Variants in SLC25A19 observed in about 807,000 individuals in gnomAD.
SLC25A19 encodes the protein mitochondrial thiamine pyrophosphate carrier.
In SLC25A19, 18 loss-of-function variants were observed where a neutral mutation model predicts 27.9. That is an observed-to-expected ratio of 0.64 (90% confidence interval 0.45 to 0.96). The LOEUF (loss-of-function observed/expected upper bound fraction) is 0.96. SLC25A19 is among the 40% of genes least tolerant of loss of function. SLC25A19 has a pLI of 0.00. For synonymous variants in SLC25A19, 169 were observed against 167.1 expected (o/e 1.01, Z -0.09); for missense variants, 371 against 418.3 (o/e 0.89, Z 0.99).
rs185398231 is a variant in SLC25A19 at position 75,275,454 on chromosome 17, A to G, written c.775-1815T>C. Among the ~76,000 whole-genome samples, 20 of 151,862 alleles carry G rather than the reference A, an allele frequency of 1.3e-4. No homozygotes were observed. The East Asian group carries it at 3.7e-3, about 28-fold the overall frequency. On this transcript the variant is annotated intron_variant, in intron 7 of 7. Coordinates refer to ENST00000416858, the MANE Select transcript of SLC25A19 (RefSeq NM_001126121.2). ...CCTCTCCTCTGACATTGTCAGGCAT[A>G]TTTTTTCACACCTCCGCATCTCAGG...
At chr17:75,288,255 A>G (rs1307872778) in intron 2 of SLC25A19, 1 of 152,158 alleles carries the variant, frequency 6.6e-6, no homozygotes, top group Admixed American at 6.6e-5. Context: ...CCCTTCCCTC[A>G]TTTAACCAGA....
chr17:75,284,951 C>A (rs1035640978), intron 4 of SLC25A19, among the ~76,000 whole-genome samples: 3 of 150,866 alleles, frequency 2.0e-5, no homozygotes, highest in African/African-American at 7.3e-5. Context: ...CCCTGTTTTG[C>A]TTTTTGAGGC....
chr17:75,275,799 AC>A (rs766095052), intron 7 of SLC25A19, among the ~76,000 whole-genome samples: 35 of 151,774 alleles, frequency 2.3e-4, no homozygotes, highest in Non-Finnish European at 4.0e-4. Context: ...ATATGGTGAA[AC>A]CCCGTCTCTT....
chr17:75,289,322 C>A, intron 1 of SLC25A19, 32 bp downstream of exon 1: 1 of 152,462 alleles, frequency 6.6e-6, no homozygotes. Context: ...CCCGAGAGGG[C>A]GGCGAGAAGG....
At chr17:75,280,949 C>CA (rs557623020) in intron 5 of SLC25A19, among the ~76,000 whole-genome samples, 2,697 of 87,786 alleles carry the variant, frequency 0.031, 64 homozygotes, top group African/African-American at 0.094. Context: ...AAACAACAAC[C>CA]AAAAAAAAAA....
At chr17:75,282,418 C>A (rs559219522) in intron 5 of SLC25A19, among the ~76,000 whole-genome samples, 1 of 152,064 alleles carries the variant, frequency 6.6e-6, no homozygotes, top group African/African-American at 2.4e-5. Flanking sequence ...GGCATGATGG[C>A]AGGCGCCTGT....
rs776356552 is a variant in SLC25A19 at position 75,284,633 on chromosome 17, C to CATTTTTTTTTT, written c.289-1041_289-1040insAAAAAAAAAAT. On this transcript the variant is annotated intron_variant, in intron 4 of 7. Coordinates refer to ENST00000416858, the MANE Select transcript of SLC25A19 (RefSeq NM_001126121.2). ...GTGACCCCCTTACATTCAGATCTTT[C>CATTTTTTTTTT]TTTTTTTTTTTTTTTTTTTTTTTTT... Among the ~76,000 whole-genome samples the CATTTTTTTTTT allele has an allele frequency of 2.7e-5, 3 of 112,292 alleles. 1 individual carries two copies. The highest frequency in any genetic ancestry group is 2.0e-4 in the Admixed American group (2 of 10,012). The allele number at this position is 112,292 out of a possible 152,430, so 73.7% of individuals were successfully genotyped here.
chr17:75,282,264 A>G (rs1329797774), intron 5 of SLC25A19, among the ~76,000 whole-genome samples: 2 of 151,668 alleles, frequency 1.3e-5, no homozygotes, highest in Admixed American at 6.6e-5. Flanking sequence ...AAAAATATAT[A>G]TATAGGCCAG....
chr17:75,273,886 G>A (rs555769942), intron 7 of SLC25A19: 3 of 428,862 alleles, frequency 7.0e-6, no homozygotes, highest in East Asian at 1.0e-4. Flanking sequence ...TCAGCCTCCT[G>A]AGTAGCTGGG....
At chr17:75,282,310 G>C (rs909335795) in intron 5 of SLC25A19, among the ~76,000 whole-genome samples, 1 of 152,142 alleles carries the variant, frequency 6.6e-6, no homozygotes, top group African/African-American at 2.4e-5. Context: ...TAGCACTTTG[G>C]GAGGCCGAGG....
intron 5 of SLC25A19, among the ~76,000 whole-genome samples, chr17:75,279,771 T>C (rs1270988271): frequency 2.0e-5 from 3 of 152,166 alleles, no homozygotes; most frequent in Non-Finnish European, 4.4e-5. Context: ...CCTCCCAAAG[T>C]GCTGGGATTA....
chr17:75,278,415 C>T (rs748104212), intron 5 of SLC25A19, 80 bp from the exon 6 acceptor site: 21 of 1,515,798 alleles, frequency 1.4e-5, no homozygotes, highest in Non-Finnish European at 1.3e-5. Context: ...TCTGTCCCCT[C>T]GCCTAAAATA....
At chr17:75,286,007 AT>A (rs2078172162) in intron 4 of SLC25A19, among the ~76,000 whole-genome samples, 2 of 152,204 alleles carry the variant, frequency 1.3e-5, no homozygotes, top group African/African-American at 4.8e-5. Context: ...TGAAGGTGGT[AT>A]TTCAAAAACT....
In SLC25A19 at chr17:75,286,444, G is replaced by A; in HGVS notation, c.148C>T (p.Leu50=). The change falls in exon 4 of 8, where the codon CTG becomes TTG. Residue 50 remains leucine (L), a synonymous_variant. Transcript: ENST00000416858. ...TTTGCGCTGGGGTCACTGCGAGACA[G>A]GCGCTCATGCTGAAGCTAGGAATCA... ...KIRFQLQHER[L]SRSDPSAKYH... The A allele has an allele frequency of 6.2e-7, 1 of 1,614,136 alleles. No homozygotes were observed. The highest frequency in any genetic ancestry group is 8.5e-7 in the Non-Finnish European group (1 of 1,180,002).
chr17:75,283,481 A>G lies in SLC25A19; in HGVS notation c.401T>C (p.Leu134Pro). The change falls in exon 5 of 8, where the codon CTC becomes CCC. Residue 134 changes from leucine (L) to proline (P), a missense_variant. Leu to Pro is a moderately conservative substitution (Grantham distance 98, BLOSUM62 -3). Coordinates refer to ENST00000416858, the MANE Select transcript of SLC25A19 (RefSeq NM_001126121.2). ...CGGLAACMATLTVHPVDVLRT... is the reference protein window; with the variant it reads ...CGGLAACMATPTVHPVDVLRT... ...CAGAACATCCACGGGGTGCACAGTG[A>G]GGGTGGCCATACAGGCAGCCAGGCC... The G allele has an allele frequency of 1.2e-6, 2 of 1,613,274 alleles. No individual in the cohort carries two copies. Among genetic ancestry groups the G allele is most frequent in the Non-Finnish European group, 1.7e-6 (2 of 1,179,858 alleles).
intron 5 of SLC25A19, among the ~76,000 whole-genome samples, chr17:75,278,649 T>C (rs752005448): frequency 4.6e-5 from 7 of 151,984 alleles, no homozygotes; most frequent in Non-Finnish European, 7.4e-5. Context: ...ACGTGAATTA[T>C]GGGACACCAG....
At chr17:75,282,863 T>A (rs893477434) in intron 5 of SLC25A19, among the ~76,000 whole-genome samples, 9 of 145,878 alleles carry the variant, frequency 6.2e-5, no homozygotes, top group African/African-American at 1.8e-4. Context: ...AAAAAATAAA[T>A]AAATAACTAA....
At chr17:75,276,978 C>T (rs1172797961) in intron 7 of SLC25A19, among the ~76,000 whole-genome samples, 8 of 151,642 alleles carry the variant, frequency 5.3e-5, no homozygotes, top group South Asian at 2.1e-4. Context: ...CCACCACGCC[C>T]GGCCAGGATA....
Position 75,274,841 on chromosome 17 carries a change from G to T in SLC25A19, c.775-1202C>A, listed in dbSNP as rs77903877. Among the ~76,000 whole-genome samples the T allele has an allele frequency of 7.2e-5, 11 of 152,170 alleles. 2 individuals are homozygous for T. The East Asian group carries it at 2.1e-3, about 29-fold the overall frequency. On this transcript the variant is annotated intron_variant, in intron 7 of 7. Coordinates refer to ENST00000416858, the MANE Select transcript of SLC25A19 (RefSeq NM_001126121.2). ...GACAAGTTGGTAAGTGGAAAAGGGA[G>T]GTTACAAACCTTGTATACAGTGTAT...
Sources: gnomAD v4.1 joint callset for allele counts (sites outside exome capture counted in the v4.1 genomes callset) on GRCh38, gnomAD v4.1.1 for gene constraint, MANE v1.5 for transcripts, NCBI Gene and HGNC (gene_info 2026-07-23, HGNC 2026-07-21) for gene names.